The following RBFOX3 variants were observed in gnomAD, a reference collection of about 807,000 sequenced individuals.
The protein encoded by RBFOX3 is RNA binding fox-1 homolog 3.
A neutral mutation model predicts 48.7 loss-of-function variants in RBFOX3; 17 were observed. The observed-to-expected ratio is 0.35, with a 90% CI of 0.24 to 0.52. The LOEUF (loss-of-function observed/expected upper bound fraction) is 0.52. Ranked by LOEUF, RBFOX3 falls within the 20% of genes least tolerant of loss-of-function variation. The pLI is 0.94. For missense variants in RBFOX3, 382 were observed against 497.5 expected (o/e 0.77, Z 2.21); for synonymous variants, 212 against 209.5 (o/e 1.01, Z -0.10).
intron 4 of RBFOX3, among the ~76,000 whole-genome samples, chr17:79,202,645 C>T (rs1469339362): frequency 6.6e-6 from 1 of 152,272 alleles, no homozygotes; most frequent in Non-Finnish European, 1.5e-5. Context: ...GACACCACCC[C>T]AGTCCCACCT....
At chr17:79,147,060 CCCGGGGTCAGCCCCCGGTG>C (rs2043185703) in intron 4 of RBFOX3, among the ~76,000 whole-genome samples, 1 of 152,250 alleles carries the variant, frequency 6.6e-6, no homozygotes, top group South Asian at 2.1e-4. Context: ...CTCCGGGTGT[CCCGGGGTCAGCCCCCGGTG>C]CCAGGTTCCC....
chr17:79,272,465 G>A (rs1341757162), intron 3 of RBFOX3, among the ~76,000 whole-genome samples: 1 of 152,200 alleles, frequency 6.6e-6, no homozygotes, highest in East Asian at 1.9e-4. Context: ...GCTGAGACAA[G>A]CCATTCCCCT....
intron 1 of RBFOX3, among the ~76,000 whole-genome samples, chr17:79,556,933 C>T (rs1346478484): frequency 6.6e-6 from 1 of 152,032 alleles, no homozygotes; most frequent in Non-Finnish European, 1.5e-5. Flanking sequence ...CTCCATGGTC[C>T]CCAAAGAACT....
At chr17:79,325,769 C>G (rs1350187909) in intron 2 of RBFOX3, among the ~76,000 whole-genome samples, 1 of 152,192 alleles carries the variant, frequency 6.6e-6, no homozygotes, top group African/African-American at 2.4e-5. Flanking sequence ...GGATATTTAT[C>G]GTTCGCTCCC....
chr17:79,186,551 G>A (rs1351917768), intron 4 of RBFOX3, among the ~76,000 whole-genome samples: 1 of 152,198 alleles, frequency 6.6e-6, no homozygotes, highest in Non-Finnish European at 1.5e-5. Context: ...TGTGGACTGG[G>A]GTGGGTGGCC....
At chr17:79,330,934 A>G (rs1214830944) in intron 2 of RBFOX3, among the ~76,000 whole-genome samples, 2 of 152,102 alleles carry the variant, frequency 1.3e-5, no homozygotes, top group Non-Finnish European at 2.9e-5. Context: ...TCTGACACAC[A>G]CTGGGTCTCG....
chr17:79,515,474 C>T (rs1055836044), intron 1 of RBFOX3, among the ~76,000 whole-genome samples: 9 of 152,146 alleles, frequency 5.9e-5, no homozygotes, highest in South Asian at 2.1e-4. Flanking sequence ...AGGAGCTCAT[C>T]GACAGGGTTA....
At chr17:79,211,375 C>A (rs1161954268) in intron 4 of RBFOX3, among the ~76,000 whole-genome samples, 2 of 152,336 alleles carry the variant, frequency 1.3e-5, no homozygotes, top group East Asian at 1.9e-4. Context: ...CAGGACGTTC[C>A]AGATCCGAGC....
At chr17:79,307,533 G>A (rs919510848) in intron 3 of RBFOX3, among the ~76,000 whole-genome samples, 191 bp downstream of exon 3, 1 of 152,206 alleles carries the variant, frequency 6.6e-6, no homozygotes, top group Non-Finnish European at 1.5e-5. Context: ...GGAAGGGCAG[G>A]TGAAAAGCAC....
chr17:79,328,838 G>T (rs1302768640), intron 2 of RBFOX3, among the ~76,000 whole-genome samples: 1 of 152,178 alleles, frequency 6.6e-6, no homozygotes, highest in Non-Finnish European at 1.5e-5. Flanking sequence ...GCAGCGCAGG[G>T]TTAGCCGTGG....
At chr17:79,546,040 T>C (rs2090384821) in intron 1 of RBFOX3, among the ~76,000 whole-genome samples, 1 of 152,290 alleles carries the variant, frequency 6.6e-6, no homozygotes, top group South Asian at 2.1e-4. Flanking sequence ...ATCTCAGATA[T>C]GTGGATACCT....
At chr17:79,136,989 A>G (rs2040365193) in intron 4 of RBFOX3, among the ~76,000 whole-genome samples, 1 of 152,112 alleles carries the variant, frequency 6.6e-6, no homozygotes, top group Non-Finnish European at 1.5e-5. Flanking sequence ...CTGCACATTC[A>G]GCCACACGCC....
chr17:79,407,168 C>T (rs900229970), intron 2 of RBFOX3, among the ~76,000 whole-genome samples: 1 of 152,214 alleles, frequency 6.6e-6, no homozygotes, highest in Non-Finnish European at 1.5e-5. Flanking sequence ...CCGCCATGCC[C>T]GGCAATTTTT....
chr17:79,560,095 A>G (rs1308467956), intron 1 of RBFOX3, among the ~76,000 whole-genome samples: 3 of 151,430 alleles, frequency 2.0e-5, no homozygotes, highest in Non-Finnish European at 2.9e-5. Flanking sequence ...ATCTTGTGAC[A>G]CCCCGTTGCA....
At chr17:79,613,656 T>C (rs1270813898), upstream of RBFOX3, among the ~76,000 whole-genome samples, 6 of 152,028 alleles carry the variant, frequency 3.9e-5, no homozygotes, top group East Asian at 9.7e-4. Context: ...CTCTGAAAAA[T>C]CCCACTAAAA....
chr17:79,092,558 G>A, intron 14 of RBFOX3: 3 of 881,722 alleles, frequency 3.4e-6, no homozygotes, highest in Non-Finnish European at 2.7e-6. Flanking sequence ...GTGTGTAATA[G>A]GCAGTCAGTG....
At chr17:79,144,755 G>A (rs923157290) in intron 4 of RBFOX3, among the ~76,000 whole-genome samples, 2 of 152,168 alleles carry the variant, frequency 1.3e-5, no homozygotes, top group African/African-American at 2.4e-5. Context: ...TGAGGACTAG[G>A]TGCCCCCCAC....
At chr17:79,097,777 C>T (rs1447478206) in intron 9 of RBFOX3, 32 bp from the exon 10 acceptor site, 1 of 1,548,564 alleles carries the variant, frequency 6.5e-7, no homozygotes, top group Non-Finnish European at 8.7e-7. Context: ...CTAGTCACTG[C>T]CTTCCCCGAC....
chr17:79,411,183 A>T (rs995286308), intron 2 of RBFOX3, among the ~76,000 whole-genome samples: 2 of 152,070 alleles, frequency 1.3e-5, no homozygotes. Context: ...AAATGTTCCC[A>T]GGACTTTCTG....
Sources: gnomAD v4.1 joint callset for allele counts (sites outside exome capture counted in the v4.1 genomes callset) on GRCh38, gnomAD v4.1.1 for gene constraint, MANE v1.5 for transcripts, NCBI Gene and HGNC (gene_info 2026-07-23, HGNC 2026-07-21) for gene names.